The following TMEM50B variants were observed in gnomAD, a reference collection of about 807,000 sequenced individuals.
TMEM50B encodes the protein HCV p7-trans-regulated protein 3.
Under a neutral mutation model 23.4 loss-of-function variants are expected in TMEM50B, and 14 were observed. The observed-to-expected ratio is 0.60, with a 90% confidence interval of 0.39 to 0.93. The LOEUF (loss-of-function observed/expected upper bound fraction) is 0.93. Among genes scored for constraint, TMEM50B ranks in the 40% least tolerant of loss-of-function variants. TMEM50B has a pLI of 0.00. For missense variants in TMEM50B, 159 were observed against 193.0 expected, an observed-to-expected ratio of 0.82 and a Z score of 1.04; for synonymous variants, 64 against 62.3, an observed-to-expected ratio of 1.03 and a Z score of -0.13.
At chr21:33,463,907 G>A (rs2084239927) in intron 4 of TMEM50B, among the ~76,000 whole-genome samples, 1 of 152,222 alleles carries the variant, frequency 6.6e-6, no homozygotes, top group Admixed American at 6.5e-5. Context: ...GGCAGAGTGA[G>A]ACTCCGTCTC....
chr21:33,432,704 C>T lies in TMEM50B; in HGVS notation c.*2219G>A, dbSNP rs761096880. 1.2e-6 allele frequency: 2 copies of T among 1,613,956 alleles called. No individual in the cohort carries two copies. The highest frequency in any genetic ancestry group is 1.7e-6 in the Non-Finnish European group (2 of 1,179,896). ...AGATCATTCTGTTCACTTTCGTGTC[C>T]TCTTTTTAGCCTCCACTGAGCTTCA... On this transcript the variant is annotated 3_prime_UTR_variant and NMD_transcript_variant, in exon 9 of 9. Coordinates refer to the TMEM50B transcript ENST00000420455.
chr21:33,436,404 T>C (rs930039293), intron 8 of TMEM50B, among the ~76,000 whole-genome samples: 8 of 151,786 alleles, frequency 5.3e-5, no homozygotes, highest in African/African-American at 1.9e-4. Context: ...TCAACTTATA[T>C]CTGAATAAAA....
chr21:33,438,765 T>C (rs950080902), intron 8 of TMEM50B, among the ~76,000 whole-genome samples: 6 of 151,802 alleles, frequency 4.0e-5, no homozygotes, highest in Admixed American at 2.0e-4. Flanking sequence ...AGTCTCACTC[T>C]GTCGCCCAGG....
At chr21:33,437,040 T>C (rs1018241673) in intron 8 of TMEM50B, 10 of 1,496,204 alleles carry the variant, frequency 6.7e-6, no homozygotes, top group African/African-American at 4.1e-5. Flanking sequence ...GTCTGGACTT[T>C]CCAGAGACCA....
intron 1 of TMEM50B, among the ~76,000 whole-genome samples, chr21:33,472,961 G>A (rs1356603885): frequency 6.6e-6 from 1 of 151,586 alleles, no homozygotes; most frequent in Admixed American, 6.6e-5. Context: ...CAAACTCCAA[G>A]GAGGATAAAT....
intron 1 of TMEM50B, among the ~76,000 whole-genome samples, chr21:33,477,678 C>T (rs551635392): frequency 6.7e-4 from 100 of 149,054 alleles, no homozygotes; most frequent in African/African-American, 2.4e-3. Flanking sequence ...GGCGTGGCGG[C>T]GGGCGCCTGT....
At chr21:33,432,640 T>C in exon 9 of TMEM50B, 4 of 1,516,268 alleles carry the variant, frequency 2.6e-6, no homozygotes, top group Admixed American at 1.7e-5. Context: ...TTAAGCAGCA[T>C]GGATGGAACA....
chr21:33,459,834 G>C (rs913730118), intron 5 of TMEM50B, among the ~76,000 whole-genome samples: 2 of 151,722 alleles, frequency 1.3e-5, no homozygotes, highest in Non-Finnish European at 3.0e-5. Flanking sequence ...TCAGGTTTAA[G>C]AACAGTAAGG....
chr21:33,479,095 G>A lies in TMEM50B; in HGVS notation c.-42+743C>T, dbSNP rs181695532. On this transcript the variant is annotated intron_variant, in intron 1 of 6. Coordinates refer to ENST00000542230, the MANE Select transcript of TMEM50B (RefSeq NM_006134.7). The stretch of plus-strand genomic sequence containing the variant: ...CCGTCTCACTGCTTTGGTTTTGAAA[G>A]GTCACGTATTTACCTTAGAATTTCA... The A allele has an allele frequency of 4.0e-4, 111 of 280,996 alleles. 1 individual carries two copies. The highest frequency in any genetic ancestry group is 2.2e-3 in the African/African-American group (98 of 44,930). The allele number at this position is 280,996 out of a possible 1,614,324, so 17.4% of individuals were successfully genotyped here.
intron 3 of TMEM50B, among the ~76,000 whole-genome samples, chr21:33,465,987 T>A (rs2084261112): frequency 6.6e-6 from 1 of 152,050 alleles, no homozygotes; most frequent in African/African-American, 2.4e-5. Context: ...CCTGGCCAGG[T>A]GCAGTGGCTC....
intron 4 of TMEM50B, among the ~76,000 whole-genome samples, chr21:33,464,292 G>T (rs942457401): frequency 3.3e-5 from 5 of 151,408 alleles, no homozygotes; most frequent in African/African-American, 1.2e-4. Flanking sequence ...CTGCCTCCCG[G>T]GTTCAAGCGA....
At chr21:33,463,818 T>G (rs2084238840) in intron 4 of TMEM50B, among the ~76,000 whole-genome samples, 1 of 152,046 alleles carries the variant, frequency 6.6e-6, no homozygotes, top group Non-Finnish European at 1.5e-5. Context: ...CTTGAGAAAC[T>G]GAGGCAGGAG....
downstream of TMEM50B, among the ~76,000 whole-genome samples, chr21:33,445,659 G>C (rs549959275): frequency 2.0e-5 from 3 of 152,158 alleles, no homozygotes; most frequent in African/African-American, 7.2e-5. Context: ...TTAGCCAGGC[G>C]TGGTGGCATG....
intron 6 of TMEM50B, among the ~76,000 whole-genome samples, chr21:33,453,079 A>G (rs2123420473): frequency 6.6e-6 from 1 of 152,272 alleles, no homozygotes; most frequent in African/African-American, 2.4e-5. Context: ...GTGACAATAG[A>G]GAGATTAATT....
downstream of TMEM50B, among the ~76,000 whole-genome samples, chr21:33,447,579 C>T (rs1482973047): frequency 6.6e-6 from 1 of 151,970 alleles, no homozygotes; most frequent in Non-Finnish European, 1.5e-5. Context: ...GGCTCTTGCT[C>T]AAGGGGCCAA....
chr21:33,459,949 C>T (rs887286401), intron 5 of TMEM50B, among the ~76,000 whole-genome samples: 4 of 152,088 alleles, frequency 2.6e-5, no homozygotes, highest in African/African-American at 7.2e-5. Flanking sequence ...TGAATACTTA[C>T]ACTAAATGGG....
chr21:33,436,968 AG>A (rs2083961056), intron 8 of TMEM50B: 2 of 1,613,966 alleles, frequency 1.2e-6, no homozygotes, highest in African/African-American at 1.3e-5. Context: ...TTTGAACCAA[AG>A]CATGGGCCTA....
At chr21:33,462,381 A>G (rs573362415) in intron 4 of TMEM50B, among the ~76,000 whole-genome samples, 73 of 152,294 alleles carry the variant, frequency 4.8e-4, no homozygotes, top group African/African-American at 1.6e-3. Flanking sequence ...AGGGAATATC[A>G]TAGAATAAAA....
At chr21:33,447,990 TTTTA>T (rs797003595), downstream of TMEM50B, among the ~76,000 whole-genome samples, 108 of 152,228 alleles carry the variant, frequency 7.1e-4, no homozygotes, top group African/African-American at 2.4e-3. Context: ...TCTTTTATGT[TTTTA>T]TTTATTTTTT....
Sources: gnomAD v4.1 joint callset for allele counts (sites outside exome capture counted in the v4.1 genomes callset) on GRCh38, gnomAD v4.1.1 for gene constraint, MANE v1.5 for transcripts, NCBI Gene and HGNC (gene_info 2026-07-23, HGNC 2026-07-21) for gene names.